Variants in EPHA6 observed in about 807,000 individuals in gnomAD.
EPHA6 encodes ephrin type-A receptor 6.
Under a neutral mutation model 112.0 loss-of-function variants are expected in EPHA6, and 50 were observed. The ratio of observed to expected loss-of-function variants is 0.45; its 90% confidence interval spans 0.36 to 0.56. The LOEUF (loss-of-function observed/expected upper bound fraction) is 0.56, where lower values mean the gene tolerates loss of function less well. Among genes scored for constraint, EPHA6 ranks in the 20% least tolerant of loss-of-function variants. The pLI, the probability that EPHA6 is intolerant of heterozygous loss-of-function variation, is 0.00. For missense variants in EPHA6, 1,280 were observed against 1,417.4 expected, an observed-to-expected ratio of 0.90 and a Z score of 1.56; for synonymous variants, 529 against 490.7, an observed-to-expected ratio of 1.08 and a Z score of -1.03.
At chr3:97,733,114 T>C (rs949383930) in intron 15 of EPHA6, among the ~76,000 whole-genome samples, 8 of 152,030 alleles carry the variant, frequency 5.3e-5, no homozygotes, top group African/African-American at 1.4e-4. Context: ...AGAGCAACTT[T>C]GTCAAGAGGC....
intron 5 of EPHA6, among the ~76,000 whole-genome samples, chr3:97,311,792 T>C (rs952888294): frequency 4.1e-5 from 5 of 121,638 alleles, no homozygotes; most frequent in Non-Finnish European, 6.2e-5. Context: ...TTTATTTGTC[T>C]TAGAGTAAGA....
rs574837832 is a variant in EPHA6, at chr3:97,409,364, A to G, written c.1731+4090A>G. On this transcript the variant is annotated intron_variant, in intron 6 of 17. Coordinates refer to ENST00000389672, the MANE Select transcript of EPHA6 (RefSeq NM_001080448.3). ...GTAATCTTTTAAGTGTTTTGCAAGGACTAGCTAATTTACTCCTAACAACAT... is the reference window on the plus strand; with the variant it reads ...GTAATCTTTTAAGTGTTTTGCAAGGGCTAGCTAATTTACTCCTAACAACAT... Among the ~76,000 whole-genome samples, 94 of 152,204 alleles carry G rather than the reference A, an allele frequency of 6.2e-4. 1 individual carries two copies. The highest frequency in any genetic ancestry group is 2.2e-3 in the African/African-American group (92 of 41,562).
At position 96,877,935 on chromosome 3, in the gene EPHA6, T is replaced by A. The variant is rs867574272; in HGVS notation, c.450+11046T>A. ...TGTGTATATATATATATATATTTTTTTTTTTTCCTTTGGATGTTCATGCAT... is the reference window on the plus strand; with the variant it reads ...TGTGTATATATATATATATATTTTTATTTTTTCCTTTGGATGTTCATGCAT... On this transcript the variant is annotated intron_variant, in intron 2 of 17. Coordinates refer to ENST00000389672, the MANE Select transcript of EPHA6 (RefSeq NM_001080448.3). 7.7e-3 allele frequency among the ~76,000 whole-genome samples: 1,151 copies of A among 149,342 alleles called. 9 individuals carry two copies. The highest frequency in any genetic ancestry group is 0.023 in the African/African-American group (918 of 40,468).
chr3:97,729,533 A>ACACC lies in EPHA6; in HGVS notation c.2935-6390_2935-6387dup, dbSNP rs1197089545. Among the ~76,000 whole-genome samples, 17 of 152,168 alleles carry ACACC rather than the reference A, an allele frequency of 1.1e-4. No individual in the cohort carries two copies. The East Asian group carries it at 3.3e-3, about 30-fold the overall frequency. Reference sequence around the variant, plus strand: ...ATCATGAGAACAGCACGGGAAAGACACACCCCCATGATTCAATTACCTGCC... The same window carrying ACACC: ...ATCATGAGAACAGCACGGGAAAGACACACCCACCCCCATGATTCAATTACCTGCC... On this transcript the variant is annotated intron_variant, in intron 15 of 17. Transcript: ENST00000389672.
At chr3:96,876,354 A>G (rs1010607564) in intron 2 of EPHA6, among the ~76,000 whole-genome samples, 3 of 151,848 alleles carry the variant, frequency 2.0e-5, no homozygotes, top group South Asian at 2.1e-4. Context: ...AAATCAGCCT[A>G]TATCATCAGC....
intron 5 of EPHA6, among the ~76,000 whole-genome samples, chr3:97,368,085 T>C (rs1009805425): frequency 1.3e-5 from 2 of 152,164 alleles, no homozygotes; most frequent in African/African-American, 4.8e-5. Context: ...TTACTGTATG[T>C]TGATAAACAC....
chr3:97,425,534 A>T (rs1005225001), intron 6 of EPHA6, among the ~76,000 whole-genome samples: 7 of 152,178 alleles, frequency 4.6e-5, no homozygotes, highest in African/African-American at 2.4e-5. Flanking sequence ...TGCACAGCAG[A>T]GGGGCCCTGG....
intron 3 of EPHA6, among the ~76,000 whole-genome samples, chr3:97,174,095 T>A (rs924002751): frequency 6.7e-6 from 1 of 150,002 alleles, no homozygotes; most frequent in African/African-American, 2.4e-5. Flanking sequence ...TGAGTTCAAT[T>A]TTTTTTTTTA....
chr3:97,063,531 A>C (rs988855207), intron 3 of EPHA6, among the ~76,000 whole-genome samples: 1 of 152,088 alleles, frequency 6.6e-6, no homozygotes, highest in Admixed American at 6.6e-5. Context: ...GTGGAACAAC[A>C]CACACTTAGG....
At chr3:97,533,642 G>A (rs990197250) in intron 11 of EPHA6, among the ~76,000 whole-genome samples, 1 of 152,008 alleles carries the variant, frequency 6.6e-6, no homozygotes, top group Non-Finnish European at 1.5e-5. Context: ...TGGCCAATGG[G>A]ACATTAGCAA....
intron 3 of EPHA6, among the ~76,000 whole-genome samples, chr3:97,043,602 A>G (rs1254086572): frequency 6.6e-6 from 1 of 152,120 alleles, no homozygotes; most frequent in Non-Finnish European, 1.5e-5. Flanking sequence ...GGATCACTTC[A>G]CTTCCACCCT....
chr3:97,129,579 T>G (rs1348171598), intron 3 of EPHA6, among the ~76,000 whole-genome samples: 1 of 151,942 alleles, frequency 6.6e-6, no homozygotes. Context: ...TATGCATTAC[T>G]GTTAAAAACA....
chr3:97,737,746 CAGCATATAGATTAT>C (rs1168341885), intron 16 of EPHA6, among the ~76,000 whole-genome samples: 2 of 151,946 alleles, frequency 1.3e-5, no homozygotes, highest in African/African-American at 4.8e-5. Context: ...TGAAGATCAT[CAGCATATAGATTAT>C]AGCTGAAGCT....
chr3:97,567,362 A>T (rs2093280109), intron 11 of EPHA6, among the ~76,000 whole-genome samples: 1 of 152,234 alleles, frequency 6.6e-6, no homozygotes, highest in African/African-American at 2.4e-5. Flanking sequence ...TTTGGGGGAC[A>T]TCATTGGCAT....
At chr3:97,663,810 T>A (rs2094186880) in intron 14 of EPHA6, among the ~76,000 whole-genome samples, 2 of 152,210 alleles carry the variant, frequency 1.3e-5, no homozygotes, top group African/African-American at 4.8e-5. Flanking sequence ...TGTATGTGTC[T>A]TTATAGCAGC....
intron 3 of EPHA6, among the ~76,000 whole-genome samples, chr3:97,126,872 A>C (rs2048195949): frequency 6.7e-6 from 1 of 148,882 alleles, no homozygotes; most frequent in Non-Finnish European, 1.5e-5. Context: ...AGATGGACCA[A>C]TGGAAGGAGG....
intron 2 of EPHA6, among the ~76,000 whole-genome samples, chr3:96,930,497 TG>T (rs1342595013): frequency 6.6e-6 from 1 of 152,198 alleles, no homozygotes; most frequent in Non-Finnish European, 1.5e-5. Flanking sequence ...ATACCAAGGT[TG>T]CCTTAGATTT....
At chr3:97,652,014 G>A (rs1357440179) in intron 14 of EPHA6, among the ~76,000 whole-genome samples, 1 of 151,914 alleles carries the variant, frequency 6.6e-6, no homozygotes, top group Non-Finnish European at 1.5e-5. Flanking sequence ...CCTCTGTCTA[G>A]TAGTCCCGAG....
In EPHA6 at chr3:96,918,082, C is replaced by T. The variant is rs541108940; in HGVS notation, c.450+51193C>T. 2.0e-5 allele frequency among the ~76,000 whole-genome samples: 3 copies of T among 152,272 alleles called. No individual in the cohort carries two copies. The East Asian group carries it at 5.8e-4, about 29-fold the overall frequency. On this transcript the variant is annotated intron_variant, in intron 2 of 17. Transcript: ENST00000389672. ...TTTAGCACCCTCCCTCTACCCCCATCCCACCTTTACAATCATGATGAACTA... is the reference window on the plus strand; with the variant it reads ...TTTAGCACCCTCCCTCTACCCCCATTCCACCTTTACAATCATGATGAACTA...
Sources: gnomAD v4.1 joint callset for allele counts (sites outside exome capture counted in the v4.1 genomes callset) on GRCh38, gnomAD v4.1.1 for gene constraint, MANE v1.5 for transcripts, NCBI Gene and HGNC (gene_info 2026-07-23, HGNC 2026-07-21) for gene names.